Variants in IRF9 observed in about 807,000 individuals in gnomAD.
IRF9 encodes interferon regulatory factor 9, also known as IFN-alpha-responsive transcription factor subunit.
IRF9 carries 13 observed loss-of-function variants against 44.1 expected under a neutral mutation model. The observed-to-expected ratio is 0.29, with a 90% CI of 0.19 to 0.47. The LOEUF (loss-of-function observed/expected upper bound fraction) is 0.47, where lower values mean the gene tolerates loss of function less well. IRF9 is among the 20% of genes least tolerant of loss of function. The pLI is 1.00. For synonymous variants in IRF9, 189 were observed against 188.5 expected (o/e 1.00, Z -0.02); for missense variants, 373 against 496.1 (o/e 0.75, Z 2.36).
chr14:24,164,708 A>G lies in IRF9; in HGVS notation c.744A>G (p.Ser248=), dbSNP rs201403114. The part of the protein sequence containing the change: ...SLDCRLVAEP[S]GSESSMEQVL... ...ATTGCCGCCTTGTGGCTGAGCCCTC[A>G]GGCTCTGAGAGCAGCATGGAGCAGG... Residue 248 remains serine (S), a synonymous_variant, in exon 7 of 9, where the codon TCA becomes TCG. Transcript: ENST00000396864. The surrounding 1 kb of genome is among the most constrained non-coding windows in gnomAD (Gnocchi z 5.2). The G allele has an allele frequency of 3.1e-6, 5 of 1,613,376 alleles. No individual in the cohort carries two copies. The African/African-American group carries it at 6.7e-5, about 22-fold the overall frequency.
At chr14:24,163,776 G>C in intron 4 of IRF9, 102 bp from the exon 5 acceptor site, 1 of 1,202,556 alleles carries the variant, frequency 8.3e-7, no homozygotes, top group East Asian at 2.6e-5. Context: ...GGCGGAGATA[G>C]CAGTGAGCCG....
rs768537847 is a variant in IRF9, at chr14:24,165,083, C to T, written c.991+128C>T. On this transcript the variant is annotated intron_variant, in intron 7 of 8. Transcript: ENST00000396864. ...TCCTCCATGTAGCCTATGCATGGCA[C>T]TCCTGCGCTTGTGTGTTGCATATCC... 5.8e-6 allele frequency: 5 copies of T among 857,608 alleles called. No individual in the cohort carries two copies. In the East Asian group the frequency reaches 1.3e-4, roughly 23 times the overall value. The allele number at this position is 857,608 out of a possible 1,614,324, so 53.1% of individuals were successfully genotyped here.
intron 4 of IRF9, 112 bp from the exon 5 acceptor site, chr14:24,163,766 G>A (rs1047630735): frequency 6.2e-6 from 7 of 1,120,934 alleles, no homozygotes; most frequent in East Asian, 2.6e-5. Flanking sequence ...TGAACCGGGG[G>A]GCGGAGATAG....
chr14:24,166,365 G>T lies in IRF9; in HGVS notation c.*169G>T. 1 of 616,614 alleles carries T rather than the reference G, an allele frequency of 1.6e-6. No homozygotes were observed. Among genetic ancestry groups the T allele is most frequent in the South Asian group, 2.0e-5 (1 of 49,706 alleles). The allele number at this position is 616,614 out of a possible 1,614,324, so 38.2% of individuals were successfully genotyped here. A position where few individuals can be genotyped will look rare whatever the true frequency, so the allele number is the denominator to read the frequency against. ...ACACACTGGCTGGTGGAGAACTCAA[G>T]GCTAATTTTTTATCCTTTTTTTTTT... On this transcript the variant is annotated 3_prime_UTR_variant, in exon 9 of 9. Coordinates refer to ENST00000396864, the MANE Select transcript of IRF9 (RefSeq NM_006084.5).
At chr14:24,162,814 AAT>A in intron 2 of IRF9, 150 bp from the exon 3 acceptor site, 1 of 630,526 alleles carries the variant, frequency 1.6e-6, no homozygotes, top group East Asian at 2.9e-5. Flanking sequence ...AAAAAAAAAA[AAT>A]TTCCAAGGAT....
chr14:24,164,985 T>G lies in IRF9; in HGVS notation c.991+30T>G, dbSNP rs1251274576. ...GGCTGTTCTCTCTGGGCACATGAGC[T>G]TCCACCCCCTACCTCTTAGTACCCC... On this transcript the variant is annotated intron_variant, in intron 7 of 8. Transcript: ENST00000396864. The surrounding 1 kb of genome is among the most constrained non-coding windows in gnomAD (Gnocchi z 5.2). The G allele has an allele frequency of 6.2e-7, 1 of 1,602,442 alleles. No homozygotes were observed. Among genetic ancestry groups the G allele is most frequent in the Non-Finnish European group, 8.5e-7 (1 of 1,171,978 alleles).
At position 24,162,296 on chromosome 14, in the gene IRF9, GGGAGGACCA is replaced by G; in HGVS notation, c.156_164del (p.Glu52_Gln54del). ...AAACATGCAGGCAAGCAGGACTTCC[GGGAGGACCA>G]GGATGCTGCCTTCTTCAAGGTGAAA... On this transcript the variant is annotated inframe_deletion, in exon 2 of 9. Coordinates refer to ENST00000396864, the MANE Select transcript of IRF9 (RefSeq NM_006084.5). 2 of 1,614,062 alleles carry G rather than the reference GGGAGGACCA, an allele frequency of 1.2e-6. No individual in the cohort carries two copies. Among genetic ancestry groups the G allele is most frequent in the Non-Finnish European group, 1.7e-6 (2 of 1,179,966 alleles).
intron 7 of IRF9, chr14:24,165,489 TC>T: frequency 1.9e-6 from 1 of 536,274 alleles, no homozygotes; most frequent in Non-Finnish European, 3.4e-6. Flanking sequence ...GTGTGGGTGT[TC>T]CCAGGGCCAT....
At position 24,166,278 on chromosome 14, in the gene IRF9, C is replaced by G. The variant is rs548446571; in HGVS notation, c.*82C>G. 2 of 1,199,968 alleles carry G rather than the reference C, an allele frequency of 1.7e-6. No individual in the cohort carries two copies. Among genetic ancestry groups the G allele is most frequent in the East Asian group, 2.4e-5 (1 of 41,250 alleles). The allele number at this position is 1,199,968 out of a possible 1,614,324, so 74.3% of individuals were successfully genotyped here. On this transcript the variant is annotated 3_prime_UTR_variant, in exon 9 of 9. Transcript: ENST00000396864. ...TAGACTCATTCTTCACACGATTGACCTGTCCTCTTTGTGATAATTCTCAGT... is the reference window on the plus strand; with the variant it reads ...TAGACTCATTCTTCACACGATTGACGTGTCCTCTTTGTGATAATTCTCAGT...
At chr14:24,161,502 G>A (rs780763691) in intron 1 of IRF9, among the ~76,000 whole-genome samples, 164 bp downstream of exon 1, 3 of 152,184 alleles carry the variant, frequency 2.0e-5, no homozygotes, top group Non-Finnish European at 4.4e-5. Context: ...AGACTGACAA[G>A]GGCCAGCTCC....
chr14:24,166,297 T>TCTCAGTAGTTGTCCGTGATAATC lies in IRF9; in HGVS notation c.*102_*124dup. ...ATTGACCTGTCCTCTTTGTGATAAT[T>TCTCAGTAGTTGTCCGTGATAATC]CTCAGTAGTTGTCCGTGATAATCGT... is the stretch of plus-strand genomic sequence containing the variant. On this transcript the variant is annotated 3_prime_UTR_variant, in exon 9 of 9. Transcript: ENST00000396864. 9.7e-7 allele frequency: 1 copy of TCTCAGTAGTTGTCCGTGATAATC among 1,027,696 alleles called. No homozygotes were observed. 63.7% of individuals were successfully genotyped at this position (1,027,696 alleles called of 1,614,324 possible). A position where few individuals can be genotyped will look rare whatever the true frequency, so the allele number is the denominator to read the frequency against.
rs2038517521 is a variant in IRF9, at chr14:24,166,029, AAGGGGGTCTCCC to A, written c.1107+70_1108-79del. Reference sequence around the variant, plus strand: ...AGAGACAGTGGTGCTCCAGGAGGCAAAGGGGGTCTCCCAGTGGGGAAGGAGCTCCTGGGGGTG... The same window carrying A: ...AGAGACAGTGGTGCTCCAGGAGGCAAAGTGGGGAAGGAGCTCCTGGGGGTG... On this transcript the variant is annotated intron_variant, in intron 8 of 8. Transcript: ENST00000396864. 2.5e-5 allele frequency: 40 copies of A among 1,578,042 alleles called. No individual in the cohort carries two copies. The Middle Eastern group carries it at 1.2e-3, about 47-fold the overall frequency.
chr14:24,162,451 C>T (rs1267271176), intron 2 of IRF9, 127 bp downstream of exon 2: 4 of 941,522 alleles, frequency 4.2e-6, no homozygotes, highest in Admixed American at 5.7e-5. Flanking sequence ...GGAAAACTAG[C>T]TGCATCATTT....
rs916285158 is a variant in IRF9, at chr14:24,164,408, C to A, written c.650-206C>A. On this transcript the variant is annotated intron_variant, in intron 6 of 8. Transcript: ENST00000396864. This position sits in a 1 kb window ranked among gnomAD's most constrained non-coding sequence, Gnocchi z 5.2. ...CAAACAGAGGCCCAATCTCAAGGGACCTTCTAGTAAACTACAAGCCCCTGG... is the reference window on the plus strand; with the variant it reads ...CAAACAGAGGCCCAATCTCAAGGGAACTTCTAGTAAACTACAAGCCCCTGG... The A allele has an allele frequency of 6.4e-5, 39 of 606,862 alleles. No individual in the cohort carries two copies. The highest frequency in any genetic ancestry group is 6.1e-5 in the Non-Finnish European group (21 of 346,164). 37.6% of individuals were successfully genotyped at this position (606,862 alleles called of 1,614,324 possible).
In IRF9 at chr14:24,164,372, T is replaced by C. The variant is rs571515019; in HGVS notation, c.649+238T>C. Reference sequence around the variant, plus strand: ...CTGGAAATCTACATTGAGACATTGATTTCATTGGGCCAAACAGAGGCCCAA... The same window carrying C: ...CTGGAAATCTACATTGAGACATTGACTTCATTGGGCCAAACAGAGGCCCAA... On this transcript the variant is annotated intron_variant, in intron 6 of 8. Coordinates refer to ENST00000396864, the MANE Select transcript of IRF9 (RefSeq NM_006084.5). The surrounding 1 kb of genome is among the most constrained non-coding windows in gnomAD (Gnocchi z 5.2). 472 of 603,984 alleles carry C rather than the reference T, an allele frequency of 7.8e-4. 2 individuals are homozygous for C. Among genetic ancestry groups the C allele is most frequent in the East Asian group, 6.4e-3 (228 of 35,632 alleles). 37.4% of individuals were successfully genotyped at this position (603,984 alleles called of 1,614,324 possible). A position where few individuals can be genotyped will look rare whatever the true frequency, so the allele number is the denominator to read the frequency against.
chr14:24,164,923 T>A lies in IRF9; in HGVS notation c.959T>A (p.Val320Glu). The change falls in exon 7 of 9, where the codon GTG becomes GAG. Residue 320 changes from valine to glutamate, a missense_variant. Coordinates refer to ENST00000396864, the MANE Select transcript of IRF9 (RefSeq NM_006084.5). This position sits in a 1 kb window ranked among gnomAD's most constrained non-coding sequence, Gnocchi z 5.2. ...CATCTGCTGCCCAGCAACGAGTGCG[T>A]GGAGCTCTTCAGAACCGCCTACTTC... is the stretch of plus-strand genomic sequence containing the variant. ...GPHLLPSNEC[V>E]ELFRTAYFCR... The A allele has an allele frequency of 6.2e-7, 1 of 1,612,916 alleles. No individual in the cohort carries two copies. The highest frequency in any genetic ancestry group is 8.5e-7 in the Non-Finnish European group (1 of 1,179,784).
In IRF9 at chr14:24,166,325, C is replaced by A; in HGVS notation, c.*129C>A. The A allele has an allele frequency of 1.2e-6, 1 of 821,818 alleles. No homozygotes were observed. Among genetic ancestry groups the A allele is most frequent in the Non-Finnish European group, 2.0e-6 (1 of 497,964 alleles). 50.9% of individuals were successfully genotyped at this position (821,818 alleles called of 1,614,324 possible). On this transcript the variant is annotated 3_prime_UTR_variant, in exon 9 of 9. Transcript: ENST00000396864. ...CAGTAGTTGTCCGTGATAATCGTGT[C>A]CTGAAAATCCTCGCACACACTGGCT...
chr14:24,165,521 G>T, intron 7 of IRF9: 1 of 525,130 alleles, frequency 1.9e-6, no homozygotes, highest in Non-Finnish European at 3.4e-6. Flanking sequence ...GCACTGGGAG[G>T]ATGTGAGCAA....
At position 24,165,875 on chromosome 14, in the gene IRF9, C is replaced by A; in HGVS notation, c.1020C>A (p.Gly340=). 6.2e-7 allele frequency: 1 copy of A among 1,613,772 alleles called. No homozygotes were observed. The highest frequency in any genetic ancestry group is 8.5e-7 in the Non-Finnish European group (1 of 1,179,730). The part of the protein sequence containing the change: ...RDLVRYFQGL[G]PPPKFQVTLN... The stretch of plus-strand genomic sequence containing the variant: ...TGGTCAGGTACTTTCAGGGCCTGGG[C>A]CCCCCACCGAAGTTCCAGGTAACAC... Residue 340 remains glycine (G), a synonymous_variant, in exon 8 of 9, where the codon GGC becomes GGA. Coordinates refer to ENST00000396864, the MANE Select transcript of IRF9 (RefSeq NM_006084.5).
Sources: allele counts gnomAD v4.1 joint callset (sites outside exome capture counted in the v4.1 genomes callset), GRCh38; gene constraint gnomAD v4.1.1; non-coding constraint Gnocchi (gnomAD v3.1); transcripts MANE v1.5; gene names NCBI Gene and HGNC (gene_info 2026-07-23, HGNC 2026-07-21).